The following ARVCF variants were observed in gnomAD, a reference collection of about 807,000 sequenced individuals.
The protein encoded by ARVCF is splicing regulator ARVCF.
A neutral mutation model predicts 90.9 loss-of-function variants in ARVCF; 66 were observed. The ratio of observed to expected loss-of-function variants is 0.73; its 90% CI spans 0.60 to 0.89. The LOEUF is 0.89. Among genes scored for constraint, ARVCF ranks in the 40% least tolerant of loss-of-function variants. The probability of loss-of-function intolerance (pLI) is 0.00; values close to 1 mark genes in which losing one functional copy is unlikely to be tolerated. For synonymous variants in ARVCF, 653 were observed against 603.4 expected (o/e 1.08, Z -1.21); for missense variants, 1,469 against 1,382.3 (o/e 1.06, Z -1.00).
At chr22:20,011,540 C>T (rs1035434766) in intron 1 of ARVCF, among the ~76,000 whole-genome samples, 4 of 151,820 alleles carry the variant, frequency 2.6e-5, no homozygotes, top group East Asian at 1.9e-4. Flanking sequence ...TGAGGGTGGG[C>T]GACTGGCTAC....
rs773551401 is a variant in ARVCF, at chr22:19,981,709, G to A, written c.398C>T (p.Thr133Ile). The A allele has an allele frequency of 5.1e-6, 8 of 1,582,518 alleles. No homozygotes were observed. Among genetic ancestry groups the A allele is most frequent in the African/African-American group, 1.3e-5 (1 of 74,152 alleles). Residue 133 changes from threonine to isoleucine, a missense_variant, in exon 5 of 20, where the codon ACT becomes ATT. Transcript: ENST00000263207. ...KVTKTVKTVT[T>I]RTVRQVPVGP... ...CACGGGCACCTGGCGTACTGTCCGA[G>A]TGGTCACCGTCTTGACAGTCTTGGT...
intron 3 of ARVCF, chr22:19,983,769 T>C (rs1943622246): frequency 6.6e-6 from 1 of 152,114 alleles, no homozygotes; most frequent in Non-Finnish European, 1.5e-5. Flanking sequence ...AGTCTTGAGA[T>C]GTAGGTGGAA....
chr22:19,970,800 T>C, intron 19 of ARVCF, 57 bp from the exon 20 acceptor site: 3 of 1,294,008 alleles, frequency 2.3e-6, no homozygotes, highest in Non-Finnish European at 3.0e-6. Flanking sequence ...CAGGACCACG[T>C]GTAACCTCAG....
rs1942680231 is a variant in ARVCF, at chr22:19,970,306, C to T, written c.*450G>A. 4.0e-6 allele frequency: 4 copies of T among 996,464 alleles called. No individual in the cohort carries two copies. Among genetic ancestry groups the T allele is most frequent in the Non-Finnish European group, 4.8e-6 (4 of 836,594 alleles). 61.7% of individuals were successfully genotyped at this position (996,464 alleles called of 1,614,324 possible). ...CAGGGTGCCCAGGGAGACCCTCCGC[C>T]TTTAGAAGTCCAAGTTCTTTCCCAG... is the stretch of plus-strand genomic sequence containing the variant. On this transcript the variant is annotated 3_prime_UTR_variant, in exon 20 of 20. Coordinates refer to ENST00000263207, the MANE Select transcript of ARVCF (RefSeq NM_001670.3).
chr22:20,001,223 CCT>C (rs1944433828), intron 2 of ARVCF, among the ~76,000 whole-genome samples: 1 of 152,172 alleles, frequency 6.6e-6, no homozygotes, highest in African/African-American at 2.4e-5. Context: ...CAAGCCTGCC[CCT>C]GACACCAAGA....
rs531491262 is a variant in ARVCF at position 19,970,707 on chromosome 22, G to C, written c.*49C>G. ...CTGCTCAGGGTGGCCCTTCTTCCAC[G>C]ATCCAAGCCCTAAGAACAAGAGGCT... On this transcript the variant is annotated 3_prime_UTR_variant, in exon 20 of 20. Coordinates refer to ENST00000263207, the MANE Select transcript of ARVCF (RefSeq NM_001670.3). 1 of 1,286,374 alleles carries C rather than the reference G, an allele frequency of 7.8e-7. No homozygotes were observed. The highest frequency in any genetic ancestry group is 5.6e-5 in the East Asian group (1 of 17,792). The allele number at this position is 1,286,374 out of a possible 1,614,324, so 79.7% of individuals were successfully genotyped here. A position where few individuals can be genotyped will look rare whatever the true frequency, so the allele number is the denominator to read the frequency against.
chr22:20,010,667 G>A (rs1601687634), intron 1 of ARVCF, among the ~76,000 whole-genome samples, 159 bp from the exon 2 acceptor site: 1 of 152,190 alleles, frequency 6.6e-6, no homozygotes, highest in East Asian at 1.9e-4. Context: ...ACACACTCAT[G>A]TGTACCTTCT....
At chr22:19,969,035 CTT>C, downstream of ARVCF, 1 of 284,500 alleles carries the variant, frequency 3.5e-6, no homozygotes, top group Non-Finnish European at 6.8e-6. Flanking sequence ...TATAACTCGA[CTT>C]AGTACATCCT....
At chr22:20,006,656 G>A (rs1392997582) in intron 2 of ARVCF, among the ~76,000 whole-genome samples, 4 of 151,102 alleles carry the variant, frequency 2.6e-5, no homozygotes, top group Admixed American at 6.6e-5. Context: ...TTTTTGAGAC[G>A]GAGTCTTGCC....
chr22:19,985,420 C>T (rs1158672980), intron 3 of ARVCF, among the ~76,000 whole-genome samples: 3 of 152,214 alleles, frequency 2.0e-5, no homozygotes, highest in Admixed American at 6.5e-5. Context: ...GGGAGGTAGA[C>T]CACCTACCCC....
chr22:19,999,179 T>C (rs768611022), intron 2 of ARVCF, among the ~76,000 whole-genome samples: 13 of 152,286 alleles, frequency 8.5e-5, no homozygotes, highest in Middle Eastern at 3.4e-3. Context: ...TGAGAGTCCC[T>C]GCCCCCACCC....
chr22:19,984,430 G>A (rs540565297), intron 3 of ARVCF, among the ~76,000 whole-genome samples: 119 of 152,254 alleles, frequency 7.8e-4, no homozygotes, highest in Non-Finnish European at 1.6e-3. Context: ...CCCGCAGTAG[G>A]ATCCAGAGGC....
At chr22:19,984,049 T>G (rs1943638178) in intron 3 of ARVCF, among the ~76,000 whole-genome samples, 1 of 152,098 alleles carries the variant, frequency 6.6e-6, no homozygotes, top group South Asian at 2.1e-4. Flanking sequence ...TCATCTGAGT[T>G]CAAGCAGGGG....
chr22:19,968,785 A>G (rs761439220), downstream of ARVCF: 5 of 1,554,166 alleles, frequency 3.2e-6, no homozygotes, highest in Admixed American at 8.7e-5. Flanking sequence ...CCTGGTACTG[A>G]AGGTGCCAGA....
chr22:19,980,078 C>T lies in ARVCF; in HGVS notation c.1061G>A (p.Arg354His), dbSNP rs1439091104. ...PSVDSARKEP[R>H]WRDPELPEVL... ...CTCAGGCAGCTCAGGGTCCCGCCAG[C>T]GCGGCTCCTTGCGGGCGCTATCCAC... The change falls in exon 6 of 20, where the codon CGC becomes CAC. Residue 354 changes from arginine (R) to histidine (H), a missense_variant. Arg to His is a conservative substitution (Grantham distance 29). Transcript: ENST00000263207. 9.5e-6 allele frequency: 15 copies of T among 1,582,774 alleles called. No homozygotes were observed. The highest frequency in any genetic ancestry group is 1.7e-5 in the Admixed American group (1 of 57,398).
chr22:20,003,918 A>G (rs1004338270), intron 2 of ARVCF, among the ~76,000 whole-genome samples: 1 of 152,200 alleles, frequency 6.6e-6, no homozygotes, highest in African/African-American at 2.4e-5. Context: ...AGAAAGAAAG[A>G]AAAACCATCT....
At position 19,988,794 on chromosome 22, in the gene ARVCF, T is replaced by C. The variant is rs568683298; in HGVS notation, c.210+1791A>G. Among the ~76,000 whole-genome samples, 23 of 152,264 alleles carry C rather than the reference T, an allele frequency of 1.5e-4. No individual in the cohort carries two copies. In the South Asian group the frequency reaches 4.6e-3, roughly 30 times the overall value. On this transcript the variant is annotated intron_variant, in intron 3 of 19. Transcript: ENST00000263207. ...CTAGTATCCTCATCAGCCCAGCCAG[T>C]TGAGCTGCAGCCCTGGCAACACATG...
chr22:19,977,328 T>C, intron 9 of ARVCF, 87 bp downstream of exon 9: 8 of 1,439,872 alleles, frequency 5.6e-6, no homozygotes, highest in Non-Finnish European at 6.4e-6. Context: ...CTAGCCTCCA[T>C]GATGGGCTGC....
intron 2 of ARVCF, among the ~76,000 whole-genome samples, chr22:20,004,069 A>G (rs1402844755): frequency 2.6e-5 from 4 of 152,200 alleles, no homozygotes; most frequent in Non-Finnish European, 5.9e-5. Flanking sequence ...GCATTTCTAT[A>G]TATGAACAAT....
Sources: gnomAD v4.1 joint callset for allele counts (sites outside exome capture counted in the v4.1 genomes callset) on GRCh38, gnomAD v4.1.1 for gene constraint, MANE v1.5 for transcripts, NCBI Gene and HGNC (gene_info 2026-07-23, HGNC 2026-07-21) for gene names.